The following COL1A1 variants were observed in gnomAD, a reference collection of about 807,000 sequenced individuals.
COL1A1 encodes the protein collagen alpha-1(I) chain.
Under a neutral mutation model 195.7 loss-of-function variants are expected in COL1A1, and 21 were observed. The ratio of observed to expected loss-of-function variants is 0.11; its 90% CI spans 0.08 to 0.15. COL1A1 has a LOEUF of 0.15. COL1A1 is among the 10% of genes least tolerant of loss of function. The pLI is 1.00. For missense variants in COL1A1, 1,365 were observed against 2,051.0 expected (o/e 0.67, Z 6.46); for synonymous variants, 749 against 747.3 (o/e 1.00, Z -0.04).
Position 50,185,548 on chromosome 17 carries a change from G to A in COL1A1, c.4349C>T (p.Pro1450Leu). The A allele has an allele frequency of 6.2e-7, 1 of 1,613,854 alleles. No homozygotes were observed. The highest frequency in any genetic ancestry group is 8.5e-7 in the Non-Finnish European group (1 of 1,179,950). ...AACGTCGAAGCCGAATTCCTGGTCTGGGGCACCAACGTCCAAGGGGGCCAC... is the reference window on the plus strand; with the variant it reads ...AACGTCGAAGCCGAATTCCTGGTCTAGGGCACCAACGTCCAAGGGGGCCAC... ...IDVAPLDVGA[P>L]DQEFGFDVGP... The change falls in exon 51 of 51, where the codon CCA becomes CTA. Residue 1450 changes from proline (P) to leucine (L), a missense_variant. By Grantham distance (98) the Pro-to-Leu change is moderately conservative. Around this residue, in one of 5 missense-constraint regions of COL1A1, gnomAD observed 273 missense variants for 338.6 expected, o/e 0.81. Transcript: ENST00000225964.
Position 50,191,838 on chromosome 17 carries a change from G to A in COL1A1, c.2077C>T (p.Pro693Ser), listed in dbSNP as rs766849757. The A allele has an allele frequency of 1.2e-6, 2 of 1,603,132 alleles. No homozygotes were observed. The highest frequency in any genetic ancestry group is 1.7e-6 in the Non-Finnish European group (2 of 1,174,484). The change falls in exon 31 of 51, where the codon CCT (proline) becomes TCT (serine). Residue 693 changes from proline to serine, a missense_variant. Around this residue, in one of 5 missense-constraint regions of COL1A1, gnomAD observed 671 missense variants for 1,099.9 expected, o/e 0.61. Transcript: ENST00000225964. The part of the protein sequence containing the change: ...GERGVQGPPG[P>S]AGPRGANGAP... Reference sequence around the variant, plus strand: ...CCGTTGGCCCCTCGGGGACCAGCAGGACCAGGGGGACCTTGCACACCACGC... The same window carrying A: ...CCGTTGGCCCCTCGGGGACCAGCAGAACCAGGGGGACCTTGCACACCACGC...
Position 50,191,803 on chromosome 17 carries a change from G to T in COL1A1, c.2112C>A (p.Gly704=), listed in dbSNP as rs768785416. 3 of 1,589,538 alleles carry T rather than the reference G, an allele frequency of 1.9e-6. No individual in the cohort carries two copies. The East Asian group carries it at 6.8e-5, about 36-fold the overall frequency. Residue 704 remains glycine, a synonymous_variant, in exon 31 of 51, where the codon GGC becomes GGA. Coordinates refer to ENST00000225964, the MANE Select transcript of COL1A1 (RefSeq NM_000088.4). ...CTGCCCTCACCTTAGCACCATCGTTGCCGGGAGCACCGTTGGCCCCTCGGG... is the reference window on the plus strand; with the variant it reads ...CTGCCCTCACCTTAGCACCATCGTTTCCGGGAGCACCGTTGGCCCCTCGGG... The part of the protein sequence containing the change: ...AGPRGANGAP[G]NDGAKGDAGA...
At position 50,189,489 on chromosome 17, in the gene COL1A1, C is replaced by A. The variant is rs754115550; in HGVS notation, c.2717G>T (p.Gly906Val). Reference sequence around the variant, plus strand: ...GCCAGTCTCACCACGGGGACCTTTGCCGCCTTCTTTGCCAGCAGGACCAGG... The same window carrying A: ...GCCAGTCTCACCACGGGGACCTTTGACGCCTTCTTTGCCAGCAGGACCAGG... ...GPPGPAGKEG[G>V]KGPRGETGPA... The change falls in exon 39 of 51, where the codon GGC (glycine) becomes GTC (valine). Residue 906 changes from glycine (G) to valine (V), a missense_variant. Physicochemically the swap from Gly to Val is moderately radical, Grantham distance 109 (BLOSUM62 -3). Transcript: ENST00000225964. This position sits in a 1 kb window ranked among gnomAD's most constrained non-coding sequence, Gnocchi z 5.5. The A allele has an allele frequency of 6.2e-7, 1 of 1,613,442 alleles. No homozygotes were observed. The highest frequency in any genetic ancestry group is 1.1e-5 in the South Asian group (1 of 91,046).
chr17:50,185,257 CTTTTTTTTT>C lies in COL1A1; in HGVS notation c.*236_*244del, dbSNP rs56302025. 15 of 192,552 alleles carry C rather than the reference CTTTTTTTTT, an allele frequency of 7.8e-5. No individual in the cohort carries two copies. Among genetic ancestry groups the C allele is most frequent in the African/African-American group, 4.3e-4 (13 of 30,108 alleles). The allele number at this position is 192,552 out of a possible 1,614,324, so 11.9% of individuals were successfully genotyped here. A position where few individuals can be genotyped will look rare whatever the true frequency, so the allele number is the denominator to read the frequency against. On this transcript the variant is annotated 3_prime_UTR_variant, in exon 51 of 51. Coordinates refer to ENST00000225964, the MANE Select transcript of COL1A1 (RefSeq NM_000088.4). Reference sequence around the variant, plus strand: ...TTTTTTAAAAAGTTATTTATTTATTCTTTTTTTTTTTTTTTTTTTGGTAAGGTTGAATGC... The same window carrying C: ...TTTTTTAAAAAGTTATTTATTTATTCTTTTTTTTTTGGTAAGGTTGAATGC...
In COL1A1 at chr17:50,196,364, G is replaced by A. The variant is rs748801100; in HGVS notation, c.907C>T (p.Pro303Ser). 1.9e-6 allele frequency: 3 copies of A among 1,613,626 alleles called. No individual in the cohort carries two copies. The highest frequency in any genetic ancestry group is 2.5e-6 in the Non-Finnish European group (3 of 1,179,756). Residue 303 changes from proline to serine, a missense_variant, in exon 14 of 51, where the codon CCC (proline) becomes TCC (serine). Pro to Ser is a moderately conservative substitution (Grantham distance 74, BLOSUM62 -1). This residue lies in a region of COL1A1 where 226 missense variants were observed against 372.9 expected (regional missense o/e 0.61). Coordinates refer to ENST00000225964, the MANE Select transcript of COL1A1 (RefSeq NM_000088.4). ...CCTCTCTCACCAGGCAGGCCACGGGGGCCCTGACAACCAAACCAAGAGAAG... is the reference window on the plus strand; with the variant it reads ...CCTCTCTCACCAGGCAGGCCACGGGAGCCCTGACAACCAAACCAAGAGAAG... Reference protein sequence around the residue: ...GENGAPGQMGPRGLPGERGRP... With the variant: ...GENGAPGQMGSRGLPGERGRP...
rs201291754 is a variant in COL1A1 at position 50,196,453 on chromosome 17, A to G, written c.903+31T>C. 3 of 1,614,076 alleles carry G rather than the reference A, an allele frequency of 1.9e-6. No individual in the cohort carries two copies. In the Admixed American group the frequency reaches 5.0e-5, roughly 27 times the overall value. On this transcript the variant is annotated intron_variant, in intron 13 of 50. Transcript: ENST00000225964. ...CCATCTTGCCCCTGCCTCCTGCCCC[A>G]TCCCTGCCCTCTGGAACTGGGCACA...
chr17:50,199,849 C>T lies in COL1A1; in HGVS notation c.202G>A (p.Val68Met). 6.2e-7 allele frequency: 1 copy of T among 1,614,206 alleles called. No homozygotes were observed. Among genetic ancestry groups the T allele is most frequent in the Non-Finnish European group, 8.5e-7 (1 of 1,180,040 alleles). Residue 68 changes from valine to methionine, a missense_variant, in exon 2 of 51, where the codon GTG (valine) becomes ATG (methionine). By Grantham distance (21) the Val-to-Met change is conservative. Around this residue, in one of 5 missense-constraint regions of COL1A1, gnomAD observed 194 missense variants for 221.7 expected, o/e 0.88. Coordinates refer to ENST00000225964, the MANE Select transcript of COL1A1 (RefSeq NM_000088.4). ...TCACAGATCACGTCATCGCACAACA[C>T]CTTGCCGTTGTCGCAGACGCAGATC... is the stretch of plus-strand genomic sequence containing the variant. ...CRICVCDNGK[V>M]LCDDVICDET... is the part of the protein sequence containing the mutation.
chr17:50,196,377 A>G lies in COL1A1; in HGVS notation c.904-10T>C. 1 of 1,613,928 alleles carries G rather than the reference A, an allele frequency of 6.2e-7. No individual in the cohort carries two copies. Among genetic ancestry groups the G allele is most frequent in the Non-Finnish European group, 8.5e-7 (1 of 1,179,884 alleles). On this transcript the variant is annotated splice_polypyrimidine_tract_variant and intron_variant, in intron 13 of 50. Coordinates refer to ENST00000225964, the MANE Select transcript of COL1A1 (RefSeq NM_000088.4). ...GCAGGCCACGGGGGCCCTGACAACCAAACCAAGAGAAGTCAGATGAGATGG... is the reference window on the plus strand; with the variant it reads ...GCAGGCCACGGGGGCCCTGACAACCGAACCAAGAGAAGTCAGATGAGATGG...
intron 5 of COL1A1, 45 bp from the exon 6 acceptor site, chr17:50,198,549 G>A: frequency 1.4e-6 from 2 of 1,455,182 alleles, no homozygotes; most frequent in Admixed American, 1.9e-5. Context: ...TGAATTGAAA[G>A]GCAGAAGACG....
chr17:50,197,382 A>C, intron 9 of COL1A1, 149 bp from the exon 10 acceptor site: 4 of 803,748 alleles, frequency 5.0e-6, no homozygotes, highest in Non-Finnish European at 8.3e-6. Context: ...AGCTCAGTTT[A>C]AATCTACAGT....
chr17:50,194,150 C>T lies in COL1A1; in HGVS notation c.1648G>A (p.Asp550Asn). 1 of 1,613,734 alleles carries T rather than the reference C, an allele frequency of 6.2e-7. No homozygotes were observed. The highest frequency in any genetic ancestry group is 2.2e-5 in the East Asian group (1 of 44,850). ...CTTACAGGGGGGCCAGTTTTGCCATCAGGACCAGGGCTGCCAGGGCTTCCA... is the reference window on the plus strand; with the variant it reads ...CTTACAGGGGGGCCAGTTTTGCCATTAGGACCAGGGCTGCCAGGGCTTCCA... ...LTGSPGSPGP[D>N]GKTGPPGPAG... The change falls in exon 24 of 51, where the codon GAT becomes AAT. Residue 550 changes from aspartate to asparagine, a missense_variant. Asp to Asn is a conservative substitution (Grantham distance 23, BLOSUM62 1). Transcript: ENST00000225964. The surrounding 1 kb of genome is among the most constrained non-coding windows in gnomAD (Gnocchi z 6.8).
At position 50,199,958 on chromosome 17, in the gene COL1A1, C is replaced by G. The variant is rs751583644; in HGVS notation, c.104-11G>C. ...AGGTGATTGGTGGGACTGGGACAGG[C>G]GGAAGAGGGGCGTTGTCAGTAGTGA... On this transcript the variant is annotated splice_polypyrimidine_tract_variant and intron_variant, in intron 1 of 50. Coordinates refer to ENST00000225964, the MANE Select transcript of COL1A1 (RefSeq NM_000088.4). 1 of 1,613,980 alleles carries G rather than the reference C, an allele frequency of 6.2e-7. No individual in the cohort carries two copies. Among genetic ancestry groups the G allele is most frequent in the Non-Finnish European group, 8.5e-7 (1 of 1,179,974 alleles).
intron 29 of COL1A1, 98 bp downstream of exon 29, chr17:50,192,377 T>C: frequency 7.3e-7 from 1 of 1,364,280 alleles, no homozygotes; most frequent in South Asian, 1.2e-5. Flanking sequence ...CTAACCTCAA[T>C]CCCTCTAGTT....
intron 31 of COL1A1, 110 bp from the exon 32 acceptor site, chr17:50,191,600 C>A: frequency 2.5e-6 from 3 of 1,212,588 alleles, no homozygotes; most frequent in East Asian, 4.8e-5. Flanking sequence ...CAACGACAAG[C>A]CTTGAGAAAA....
intron 31 of COL1A1, 120 bp downstream of exon 31, chr17:50,191,668 T>G: frequency 2.4e-6 from 3 of 1,249,910 alleles, no homozygotes; most frequent in Non-Finnish European, 3.4e-6. Flanking sequence ...CCCTGGTCTT[T>G]TCCCCCCACC....
chr17:50,200,838 C>G (rs1908020870), intron 1 of COL1A1, among the ~76,000 whole-genome samples: 1 of 152,208 alleles, frequency 6.6e-6, no homozygotes, highest in African/African-American at 2.4e-5. Flanking sequence ...GGCTCCTGCC[C>G]CAGTAAGCGT....
Position 50,188,427 on chromosome 17 carries a change from C to G in COL1A1, c.3207+103G>C. The G allele has an allele frequency of 8.4e-7, 1 of 1,186,052 alleles. No homozygotes were observed. Among genetic ancestry groups the G allele is most frequent in the East Asian group, 2.3e-5 (1 of 42,860 alleles). The allele number at this position is 1,186,052 out of a possible 1,614,324, so 73.5% of individuals were successfully genotyped here. On this transcript the variant is annotated intron_variant, in intron 43 of 50. Transcript: ENST00000225964. This position sits in a 1 kb window ranked among gnomAD's most constrained non-coding sequence, Gnocchi z 5.6. ...GACATCTTGCAGGATCTCCTTTCCT[C>G]CCCCTGCCTGGGTGAAGTCCGACAC...
rs56302025 is a variant in COL1A1 at position 50,185,257 on chromosome 17, CTTTTTTTTTTTT to C, written c.*233_*244del. Reference sequence around the variant, plus strand: ...TTTTTTAAAAAGTTATTTATTTATTCTTTTTTTTTTTTTTTTTTTGGTAAGGTTGAATGCACT... The same window carrying C: ...TTTTTTAAAAAGTTATTTATTTATTCTTTTTTTGGTAAGGTTGAATGCACT... On this transcript the variant is annotated 3_prime_UTR_variant, in exon 51 of 51. Transcript: ENST00000225964. The C allele has an allele frequency of 1.0e-5, 2 of 192,552 alleles. No individual in the cohort carries two copies. Among genetic ancestry groups the C allele is most frequent in the South Asian group, 1.6e-4 (2 of 12,696 alleles). 11.9% of individuals were successfully genotyped at this position (192,552 alleles called of 1,614,324 possible).
chr17:50,187,546 CAG>C lies in COL1A1; in HGVS notation c.3370-11_3370-10del. On this transcript the variant is annotated splice_polypyrimidine_tract_variant and intron_variant, in intron 45 of 50. Coordinates refer to ENST00000225964, the MANE Select transcript of COL1A1 (RefSeq NM_000088.4). ...TGTTCACCAGGAGAGCCCTGAAGGA[CAG>C]ATAAAAAAGGCAGTTCAGGCCCAGT... The C allele has an allele frequency of 6.2e-7, 1 of 1,613,906 alleles. No individual in the cohort carries two copies.
Sources: allele counts gnomAD v4.1 joint callset (sites outside exome capture counted in the v4.1 genomes callset), GRCh38; gene constraint gnomAD v4.1.1; regional missense constraint gnomAD v4.1.1; non-coding constraint Gnocchi (gnomAD v3.1); transcripts MANE v1.5; gene names NCBI Gene and HGNC (gene_info 2026-07-23, HGNC 2026-07-21).